The following ANO9 variants were observed in gnomAD, a reference collection of about 807,000 sequenced individuals.
ANO9 encodes the protein anoctamin-9.
A neutral mutation model predicts 100.5 loss-of-function variants in ANO9; 80 were observed. That is an observed-to-expected ratio of 0.80 (90% CI 0.66 to 0.96). ANO9 has a LOEUF of 0.96. Among genes scored for constraint, ANO9 ranks in the 40% least tolerant of loss-of-function variants. The probability of loss-of-function intolerance (pLI) is 0.00; values close to 1 mark genes in which losing one functional copy is unlikely to be tolerated. For missense variants in ANO9, 1,064 were observed against 1,072.7 expected (o/e 0.99, Z 0.11); for synonymous variants, 473 against 435.6 (o/e 1.09, Z -1.07).
At chr11:437,901 C>CA (rs935953783) in intron 1 of ANO9, among the ~76,000 whole-genome samples, 2 of 152,226 alleles carry the variant, frequency 1.3e-5, no homozygotes, top group African/African-American at 4.8e-5. Context: ...CCCCTCACAT[C>CA]AGCCTGGGCC....
At chr11:419,843 T>G in intron 19 of ANO9, 114 bp from the exon 20 acceptor site, 1 of 1,494,858 alleles carries the variant, frequency 6.7e-7, no homozygotes. Flanking sequence ...TGGTGTCCCC[T>G]TGCAGCCCTA....
chr11:441,144 G>C (rs933151964), intron 1 of ANO9, among the ~76,000 whole-genome samples: 1 of 152,184 alleles, frequency 6.6e-6, no homozygotes, highest in African/African-American at 2.4e-5. Context: ...AGAGGCCGCC[G>C]GCGCAGCCCA....
chr11:432,434 C>G lies in ANO9; in HGVS notation c.351-380G>C. 1 of 286,250 alleles carries G rather than the reference C, an allele frequency of 3.5e-6. No individual in the cohort carries two copies. Among genetic ancestry groups the G allele is most frequent in the Non-Finnish European group, 6.7e-6 (1 of 148,882 alleles). 17.7% of individuals were successfully genotyped at this position (286,250 alleles called of 1,614,324 possible). A position where few individuals can be genotyped will look rare whatever the true frequency, so the allele number is the denominator to read the frequency against. On this transcript the variant is annotated intron_variant, in intron 4 of 22. Coordinates refer to ENST00000332826, the MANE Select transcript of ANO9 (RefSeq NM_001012302.3). The surrounding 1 kb of genome is among the most constrained non-coding windows in gnomAD (Gnocchi z 4.8). Reference sequence around the variant, plus strand: ...CACACACCCTCCTTATACCCTGGAGCTGTTCTGTTCCACTGTGCAGAGCAG... The same window carrying G: ...CACACACCCTCCTTATACCCTGGAGGTGTTCTGTTCCACTGTGCAGAGCAG...
chr11:432,095 G>A lies in ANO9; in HGVS notation c.351-41C>T, dbSNP rs750012412. ...AGGGTGGCCCCGTGTGACCACAGTGGACCCTGCCTCCAGGTCTCAACCTGC... is the reference window on the plus strand; with the variant it reads ...AGGGTGGCCCCGTGTGACCACAGTGAACCCTGCCTCCAGGTCTCAACCTGC... On this transcript the variant is annotated intron_variant, in intron 4 of 22. Coordinates refer to ENST00000332826, the MANE Select transcript of ANO9 (RefSeq NM_001012302.3). This position sits in a 1 kb window ranked among gnomAD's most constrained non-coding sequence, Gnocchi z 4.8. 1 of 1,608,120 alleles carries A rather than the reference G, an allele frequency of 6.2e-7. No individual in the cohort carries two copies. Among genetic ancestry groups the A allele is most frequent in the African/African-American group, 1.3e-5 (1 of 74,764 alleles).
intron 1 of ANO9, among the ~76,000 whole-genome samples, chr11:437,050 G>A (rs75727394): frequency 0.32 from 33,429 of 105,340 alleles, 6,131 homozygotes; most frequent in Non-Finnish European, 0.35. Context: ...GGGTGCGTGG[G>A]GGGTGAGCTG....
At position 441,905 on chromosome 11, in the gene ANO9, T is replaced by A. The variant is rs1331861546; in HGVS notation, c.6+16A>T. On this transcript the variant is annotated intron_variant, in intron 1 of 22. Transcript: ENST00000332826. ...GGGGCCTTGAAGGTGTGGACCCTTT[T>A]GAGCGCAGGACTCACCTGCATGCTG... 1 of 1,607,144 alleles carries A rather than the reference T, an allele frequency of 6.2e-7. No individual in the cohort carries two copies. The highest frequency in any genetic ancestry group is 1.3e-5 in the African/African-American group (1 of 74,988).
At chr11:420,185 G>C (rs1590410242) in intron 19 of ANO9, 6 of 1,389,542 alleles carry the variant, frequency 4.3e-6, no homozygotes, top group Middle Eastern at 2.7e-4. Flanking sequence ...TCCAGCCCCA[G>C]CCACTGGCAG....
At chr11:438,279 T>A (rs1286056788) in intron 1 of ANO9, among the ~76,000 whole-genome samples, 3 of 151,160 alleles carry the variant, frequency 2.0e-5, no homozygotes, top group Admixed American at 6.6e-5. Context: ...CCTTAGCTGC[T>A]CCCTCGGACA....
rs368637306 is a variant in ANO9 at position 429,550 on chromosome 11, C to T, written c.915+20G>A. The T allele has an allele frequency of 2.8e-5, 45 of 1,611,628 alleles. No individual in the cohort carries two copies. The highest frequency in any genetic ancestry group is 5.0e-5 in the Admixed American group (3 of 59,954). On this transcript the variant is annotated intron_variant, in intron 11 of 22. Transcript: ENST00000332826. ...CCCCTGCTCGGGTCGGCCTCAGCTG[C>T]GCTGCCAGCTCCACCTCACCTGTTC...
intron 15 of ANO9, among the ~76,000 whole-genome samples, chr11:425,345 C>T (rs1209430383): frequency 6.6e-6 from 1 of 151,244 alleles, no homozygotes; most frequent in Non-Finnish European, 1.5e-5. Context: ...CCGTGCAATA[C>T]ACGATGTACC....
intron 1 of ANO9, among the ~76,000 whole-genome samples, chr11:434,467 C>T (rs774372945): frequency 5.3e-5 from 8 of 152,178 alleles, no homozygotes; most frequent in Non-Finnish European, 7.3e-5. Flanking sequence ...GACCAATGCA[C>T]GGGAGAAGCC....
chr11:426,402 T>A (rs922919624), intron 15 of ANO9, among the ~76,000 whole-genome samples: 9 of 151,668 alleles, frequency 5.9e-5, no homozygotes, highest in Non-Finnish European at 1.0e-4. Flanking sequence ...CAAAACCCCA[T>A]CTCTACAAAA....
chr11:421,229 C>T lies in ANO9; in HGVS notation c.1335-31G>A. On this transcript the variant is annotated intron_variant, in intron 15 of 22. Transcript: ENST00000332826. This position sits in a 1 kb window ranked among gnomAD's most constrained non-coding sequence, Gnocchi z 6.8. ...GAGGAAGGGGAAGTCTGGGGCACTG[C>T]GGGCAGCGCCCTGCCTCTGACAGGG... The T allele has an allele frequency of 1.3e-6, 2 of 1,496,266 alleles. No homozygotes were observed. Among genetic ancestry groups the T allele is most frequent in the Non-Finnish European group, 1.8e-6 (2 of 1,120,702 alleles). 92.7% of individuals were successfully genotyped at this position (1,496,266 alleles called of 1,614,324 possible).
In ANO9 at chr11:434,066, G is replaced by A. The variant is rs1162836842; in HGVS notation, c.39C>T (p.Pro13=). ...GEESLRILVE[P]EGDSFPLMEI... ...CCATCAGCGGGAAGCTGTCCCCTTC[G>A]GGCTCCACCAGGATCCGGAGGCTCT... The change falls in exon 2 of 23, where the codon CCC becomes CCT. Residue 13 remains proline, a synonymous_variant. Coordinates refer to ENST00000332826, the MANE Select transcript of ANO9 (RefSeq NM_001012302.3). The A allele has an allele frequency of 1.4e-5, 22 of 1,550,836 alleles. No homozygotes were observed. The highest frequency in any genetic ancestry group is 3.9e-5 in the Admixed American group (2 of 51,056).
Position 433,821 on chromosome 11 carries a change from G to A in ANO9, c.198C>T (p.His66=). The part of the protein sequence containing the change: ...FLEELRRKGF[H]IKVIRDQKQV... Reference sequence around the variant, plus strand: ...TCGCTGGGCACCCGCCCACCTTAATGTGGAAGCCCTTTCTCCTGAGCTCCT... The same window carrying A: ...TCGCTGGGCACCCGCCCACCTTAATATGGAAGCCCTTTCTCCTGAGCTCCT... The change falls in exon 3 of 23, where the codon CAC becomes CAT. Residue 66 remains histidine, a synonymous_variant. Coordinates refer to ENST00000332826, the MANE Select transcript of ANO9 (RefSeq NM_001012302.3). 6.4e-7 allele frequency: 1 copy of A among 1,561,004 alleles called. No homozygotes were observed. The highest frequency in any genetic ancestry group is 8.7e-7 in the Non-Finnish European group (1 of 1,152,982).
At position 421,438 on chromosome 11, in the gene ANO9, C is replaced by T. The variant is rs1166748031; in HGVS notation, c.1335-240G>A. ...GATGAACCGCACCCACACGTGGGCG[C>T]GCGCACACACACACACACCCCCACA... On this transcript the variant is annotated intron_variant, in intron 15 of 22. Coordinates refer to ENST00000332826, the MANE Select transcript of ANO9 (RefSeq NM_001012302.3). The surrounding 1 kb of genome is among the most constrained non-coding windows in gnomAD (Gnocchi z 6.8). Among the ~76,000 whole-genome samples the T allele has an allele frequency of 1.2e-4, 16 of 137,832 alleles. No individual in the cohort carries two copies. The highest frequency in any genetic ancestry group is 3.6e-4 in the Admixed American group (5 of 13,896). The allele number at this position is 137,832 out of a possible 152,430, so 90.4% of individuals were successfully genotyped here.
At chr11:419,082 A>T in intron 20 of ANO9, 93 bp from the exon 21 acceptor site, 1 of 1,582,554 alleles carries the variant, frequency 6.3e-7, no homozygotes, top group Admixed American at 1.7e-5. Context: ...TGTGGAGCAA[A>T]CAGTGAGGTG....
chr11:424,867 A>G (rs1332057374), intron 15 of ANO9, among the ~76,000 whole-genome samples: 1 of 152,172 alleles, frequency 6.6e-6, no homozygotes, highest in African/African-American at 2.4e-5. Context: ...AAAGAAATCA[A>G]TCGATGGAGA....
At chr11:433,168 T>G in intron 4 of ANO9, 146 bp downstream of exon 4, 1 of 1,135,110 alleles carries the variant, frequency 8.8e-7, no homozygotes, top group Non-Finnish European at 1.2e-6. Context: ...CCAGTGGGTC[T>G]CACACCTGTG....
Sources: allele counts gnomAD v4.1 joint callset (sites outside exome capture counted in the v4.1 genomes callset), GRCh38; gene constraint gnomAD v4.1.1; non-coding constraint Gnocchi (gnomAD v3.1); transcripts MANE v1.5; gene names NCBI Gene and HGNC (gene_info 2026-07-23, HGNC 2026-07-21).